Variants in RCL1 observed in about 807,000 individuals in gnomAD.
The protein encoded by RCL1 is RNA terminal phosphate cyclase like 1.
A neutral mutation model predicts 42.4 loss-of-function variants in RCL1; 24 were observed. The ratio of observed to expected loss-of-function variants is 0.57; its 90% CI spans 0.41 to 0.80. RCL1 has a LOEUF of 0.80. Among genes scored for constraint, RCL1 ranks in the 30% least tolerant of loss-of-function variants. The probability of loss-of-function intolerance (pLI) is 0.00; values close to 1 mark genes in which losing one functional copy is unlikely to be tolerated. For missense variants in RCL1, 578 were observed against 467.9 expected (o/e 1.24, Z -2.17); for synonymous variants, 228 against 177.3 (o/e 1.29, Z -2.27).
intron 8 of RCL1, among the ~76,000 whole-genome samples, chr9:4,855,225 A>T (rs1416607373): frequency 6.6e-6 from 1 of 152,028 alleles, no homozygotes; most frequent in East Asian, 1.9e-4. Flanking sequence ...ATCATTCTCT[A>T]TGTTAGGTGT....
chr9:4,795,243 AATTTTTAGTAGAGT>A (rs1842895855), intron 1 of RCL1, among the ~76,000 whole-genome samples: 1 of 151,770 alleles, frequency 6.6e-6, no homozygotes, highest in South Asian at 2.1e-4. Flanking sequence ...ATGCCCAGCT[AATTTTTAGTAGAGT>A]ATTTTTAGTA....
chr9:4,852,990 A>G (rs1207015607), intron 8 of RCL1, among the ~76,000 whole-genome samples: 1 of 152,082 alleles, frequency 6.6e-6, no homozygotes, highest in Non-Finnish European at 1.5e-5. Context: ...TCTAGTTATT[A>G]TTTTTATGAC....
chr9:4,819,547 G>A (rs539027601), intron 1 of RCL1, among the ~76,000 whole-genome samples: 1 of 152,230 alleles, frequency 6.6e-6, no homozygotes, highest in East Asian at 1.9e-4. Context: ...ATTTGCTCAC[G>A]CCTGTAATCC....
chr9:4,800,652 AT>A (rs35340693), intron 1 of RCL1, among the ~76,000 whole-genome samples: 2,142 of 123,900 alleles, frequency 0.017, 30 homozygotes, highest in African/African-American at 0.056. Context: ...GTGTGGATGT[AT>A]TTTTTTTTTT....
chr9:4,838,283 G>C (rs1347829503), intron 5 of RCL1, among the ~76,000 whole-genome samples: 2 of 152,218 alleles, frequency 1.3e-5, no homozygotes, highest in Non-Finnish European at 2.9e-5. Flanking sequence ...TGACCTACCA[G>C]CCAGGGCCCA....
At chr9:4,813,581 C>T (rs1479099683) in intron 1 of RCL1, among the ~76,000 whole-genome samples, 1 of 152,206 alleles carries the variant, frequency 6.6e-6, no homozygotes, top group Non-Finnish European at 1.5e-5. Context: ...CACTTTTACA[C>T]TGTTGGTGGG....
intron 3 of RCL1, among the ~76,000 whole-genome samples, chr9:4,827,515 A>G (rs1457466154): frequency 6.6e-6 from 1 of 152,220 alleles, no homozygotes; most frequent in Admixed American, 6.5e-5. Flanking sequence ...AGATTAGGAA[A>G]AGGGCATAAA....
intron 4 of RCL1, among the ~76,000 whole-genome samples, 167 bp downstream of exon 4, chr9:4,833,395 G>C (rs1817016708): frequency 6.6e-6 from 1 of 152,178 alleles, no homozygotes; most frequent in African/African-American, 2.4e-5. Context: ...TGAACTGAAA[G>C]GGACCCTTTA....
chr9:4,836,172 G>T (rs1563848183), intron 5 of RCL1, among the ~76,000 whole-genome samples: 1 of 152,250 alleles, frequency 6.6e-6, no homozygotes, highest in Non-Finnish European at 1.5e-5. Flanking sequence ...TGTTAACACA[G>T]TGCCAGCTGC....
intron 1 of RCL1, among the ~76,000 whole-genome samples, chr9:4,817,458 AT>A (rs934931225): frequency 7.5e-5 from 10 of 132,650 alleles, no homozygotes; most frequent in South Asian, 5.0e-4. Context: ...AATTAGCTTG[AT>A]TTTTTTTTAA....
intron 5 of RCL1, 161 bp from the exon 6 acceptor site, chr9:4,841,071 A>G (rs200511021): frequency 1.4e-6 from 1 of 700,624 alleles, no homozygotes; most frequent in African/African-American, 1.8e-5. Context: ...ATAATGAAAA[A>G]AATTTAATTA....
At chr9:4,800,438 C>A (rs1162525962) in intron 1 of RCL1, among the ~76,000 whole-genome samples, 2 of 152,066 alleles carry the variant, frequency 1.3e-5, no homozygotes, top group Non-Finnish European at 2.9e-5. Context: ...TGGTCTCGAA[C>A]TCCTGATCTT....
intron 1 of RCL1, among the ~76,000 whole-genome samples, chr9:4,817,921 T>C (rs1312007118): frequency 6.9e-6 from 1 of 144,994 alleles, no homozygotes; most frequent in Non-Finnish European, 1.5e-5. Flanking sequence ...GATTTTTTTT[T>C]TTTTTTTTTT....
Position 4,826,983 on chromosome 9 carries a change from C to A in RCL1, c.334C>A (p.Pro112Thr). The change falls in exon 3 of 9, where the codon CCG (proline) becomes ACG (threonine). Residue 112 changes from proline to threonine, a missense_variant. Physicochemically the swap from Pro to Thr is conservative, Grantham distance 38. Coordinates refer to ENST00000381750, the MANE Select transcript of RCL1 (RefSeq NM_005772.5). ...TTGCTTGGCTCCATTTATGAAGCAC[C>A]CGTTAAAAATAGTTCTACGAGGAGT... ...LLCLAPFMKH[P>T]LKIVLRGVTN... 3 of 1,614,044 alleles carry A rather than the reference C, an allele frequency of 1.9e-6. No individual in the cohort carries two copies. The highest frequency in any genetic ancestry group is 8.5e-7 in the Non-Finnish European group (1 of 1,180,004).
At chr9:4,825,286 T>C (rs901074482) in intron 2 of RCL1, among the ~76,000 whole-genome samples, 2 of 152,168 alleles carry the variant, frequency 1.3e-5, no homozygotes, top group Non-Finnish European at 2.9e-5. Flanking sequence ...CGCATCAGAG[T>C]AGTAAAAGCC....
At chr9:4,826,143 G>C (rs188009906) in intron 2 of RCL1, among the ~76,000 whole-genome samples, 1 of 152,056 alleles carries the variant, frequency 6.6e-6, no homozygotes, top group Non-Finnish European at 1.5e-5. Flanking sequence ...AGCTATTCTG[G>C]AGGCTGAGAT....
intron 3 of RCL1, among the ~76,000 whole-genome samples, chr9:4,832,537 G>A (rs1252118782): frequency 2.0e-5 from 3 of 152,042 alleles, no homozygotes; most frequent in Non-Finnish European, 2.9e-5. Context: ...CAGGCTGGGT[G>A]TGGTGGCTCA....
Position 4,823,598 on chromosome 9 carries a change from C to G in RCL1, c.187C>G (p.Arg63Gly). The change falls in exon 2 of 9, where the codon CGA becomes GGA. Residue 63 changes from arginine (R) to glycine (G), a missense_variant. Arg to Gly is a moderately radical substitution (Grantham distance 125). Coordinates refer to ENST00000381750, the MANE Select transcript of RCL1 (RefSeq NM_005772.5). ...ATTGGACAAAATAACGAATGGTTCT[C>G]GAATTGAAATAAACCAAACAGGTAA... ...RLLDKITNGS[R>G]IEINQTGTTL... The G allele has an allele frequency of 6.2e-7, 1 of 1,611,120 alleles. No individual in the cohort carries two copies. Among genetic ancestry groups the G allele is most frequent in the Non-Finnish European group, 8.5e-7 (1 of 1,178,662 alleles).
intron 5 of RCL1, among the ~76,000 whole-genome samples, chr9:4,837,052 C>T (rs1309638482): frequency 6.6e-6 from 1 of 152,072 alleles, no homozygotes; most frequent in African/African-American, 2.4e-5. Context: ...AGTTACATTG[C>T]CCAGGTGACT....
Sources: allele counts gnomAD v4.1 joint callset (sites outside exome capture counted in the v4.1 genomes callset), GRCh38; gene constraint gnomAD v4.1.1; transcripts MANE v1.5; gene names NCBI Gene and HGNC (gene_info 2026-07-23, HGNC 2026-07-21).